The following FMOD variants were observed in gnomAD, a reference collection of about 807,000 sequenced individuals.
FMOD encodes KSPG fibromodulin.
Under a neutral mutation model 27.0 loss-of-function variants are expected in FMOD, and 15 were observed. The ratio of observed to expected loss-of-function variants is 0.55; its 90% CI spans 0.37 to 0.85. The LOEUF (loss-of-function observed/expected upper bound fraction) is 0.85, where lower values mean the gene tolerates loss of function less well. FMOD is among the 40% of genes least tolerant of loss of function. The probability of loss-of-function intolerance (pLI) is 0.00; values close to 1 mark genes in which losing one functional copy is unlikely to be tolerated. For synonymous variants in FMOD, 210 were observed against 214.0 expected (o/e 0.98, Z 0.16); for missense variants, 460 against 483.2 (o/e 0.95, Z 0.45).
Position 203,342,312 on chromosome 1 carries a change from C to T in FMOD, c.*31G>A, listed in dbSNP as rs757658881. 6.3e-7 allele frequency: 1 copy of T among 1,591,994 alleles called. No individual in the cohort carries two copies. Among genetic ancestry groups the T allele is most frequent in the Non-Finnish European group, 8.6e-7 (1 of 1,165,114 alleles). ...ACCATCAAGCCAAATGCCACGGGGG[C>T]TCTCCGCCCAGTACCCGGTGCCAGG... On this transcript the variant is annotated 3_prime_UTR_variant, in exon 3 of 3. Coordinates refer to ENST00000354955, the MANE Select transcript of FMOD (RefSeq NM_002023.5).
At chr1:203,350,960 C>A (rs950787936) in intron 1 of FMOD, 73 bp downstream of exon 1, 1 of 152,276 alleles carries the variant, frequency 6.6e-6, no homozygotes, top group Non-Finnish European at 1.5e-5. Context: ...TCTCCCCTAT[C>A]CCCTACCACT....
intron 2 of FMOD, 144 bp from the exon 3 acceptor site, chr1:203,342,638 C>CATACT: frequency 1.2e-6 from 1 of 813,398 alleles, no homozygotes; most frequent in Non-Finnish European, 1.9e-6. Flanking sequence ...GGATTGGAGT[C>CATACT]ATACTTACTG....
Position 203,347,978 on chromosome 1 carries a change from T to C in FMOD, c.293A>G (p.Lys98Arg). 6.2e-7 allele frequency: 1 copy of C among 1,604,698 alleles called. No homozygotes were observed. The highest frequency in any genetic ancestry group is 8.5e-7 in the Non-Finnish European group (1 of 1,173,676). ...TAMYCDNRNL[K>R]YLPFVPSRMK... ...GCGGGAGGGAACGAAGGGCAGGTAC[T>C]TGAGGTTGCGATTGTCACAGTACAT... The change falls in exon 2 of 3, where the codon AAG becomes AGG. Residue 98 changes from lysine (K) to arginine (R), a missense_variant. Lys to Arg is a conservative substitution (Grantham distance 26). Coordinates refer to ENST00000354955, the MANE Select transcript of FMOD (RefSeq NM_002023.5).
chr1:203,347,477 C>G lies in FMOD; in HGVS notation c.794G>C (p.Arg265Pro). The change falls in exon 2 of 3, where the codon CGG becomes CCG. Residue 265 changes from arginine to proline, a missense_variant. By Grantham distance (103) the Arg-to-Pro change is moderately radical (BLOSUM62 -2). Coordinates refer to ENST00000354955, the MANE Select transcript of FMOD (RefSeq NM_002023.5). The stretch of plus-strand genomic sequence containing the variant: ...CACATACAGCAGCTTGGGCGCCCCC[C>G]GGAAGTAGCTATCGGGGACGGTGTA... ...NVYTVPDSYF[R>P]GAPKLLYVRL... 6.2e-7 allele frequency: 1 copy of G among 1,614,154 alleles called. No individual in the cohort carries two copies. The highest frequency in any genetic ancestry group is 8.5e-7 in the Non-Finnish European group (1 of 1,180,026).
At chr1:203,346,649 A>G (rs1658894345) in intron 2 of FMOD, among the ~76,000 whole-genome samples, 1 of 152,144 alleles carries the variant, frequency 6.6e-6, no homozygotes, top group Non-Finnish European at 1.5e-5. Flanking sequence ...ACTGACCAGA[A>G]CAAGTGCCGC....
chr1:203,341,462 C>G lies in FMOD; in HGVS notation c.*881G>C, dbSNP rs887185723. 1 of 152,210 alleles carries G rather than the reference C, an allele frequency of 6.6e-6. No homozygotes were observed. The highest frequency in any genetic ancestry group is 1.5e-5 in the Non-Finnish European group (1 of 68,060). The allele number at this position is 152,210 out of a possible 1,614,324, so 9.4% of individuals were successfully genotyped here. A position where few individuals can be genotyped will look rare whatever the true frequency, so the allele number is the denominator to read the frequency against. On this transcript the variant is annotated 3_prime_UTR_variant, in exon 3 of 3. Transcript: ENST00000354955. ...GGCAAGAATGGAACTACTGGGGCTG[C>G]TTTCTCAACTCAGCCAATTTGAGGT...
intron 2 of FMOD, among the ~76,000 whole-genome samples, chr1:203,344,640 TC>T (rs1163563672): frequency 6.6e-6 from 1 of 152,064 alleles, no homozygotes; most frequent in Non-Finnish European, 1.5e-5. Flanking sequence ...CACATCTGAT[TC>T]CCCTGTGCGC....
intron 1 of FMOD, among the ~76,000 whole-genome samples, chr1:203,349,865 C>T (rs1033755783): frequency 1.3e-5 from 2 of 152,218 alleles, no homozygotes; most frequent in African/African-American, 2.4e-5. Flanking sequence ...GAGCAGGCAC[C>T]CTGGCTCATC....
intron 2 of FMOD, among the ~76,000 whole-genome samples, chr1:203,343,028 C>A (rs2102301205): frequency 6.6e-6 from 1 of 152,260 alleles, no homozygotes; most frequent in South Asian, 2.1e-4. Context: ...CTTTGTGTGC[C>A]AGGGCTTTGA....
At chr1:203,346,334 G>A (rs1437412683) in intron 2 of FMOD, among the ~76,000 whole-genome samples, 1 of 152,014 alleles carries the variant, frequency 6.6e-6, no homozygotes, top group Admixed American at 6.6e-5. Flanking sequence ...CAGGAAGGGA[G>A]GTCAAGTGCT....
chr1:203,343,079 G>A (rs561890589), intron 2 of FMOD, among the ~76,000 whole-genome samples: 5 of 152,320 alleles, frequency 3.3e-5, no homozygotes, highest in Admixed American at 2.6e-4. Flanking sequence ...CCAGAGCAGT[G>A]AGCAAGGCTC....
rs1337362952 is a variant in FMOD at position 203,341,163 on chromosome 1, C to T, written c.*1180G>A. ...GCCCAGCACAGGCAAGATTTGGCTG[C>T]CTGGCCTGGGCTTCACGGACCCCAG... On this transcript the variant is annotated 3_prime_UTR_variant, in exon 3 of 3. Transcript: ENST00000354955. 6.6e-6 allele frequency: 1 copy of T among 152,220 alleles called. No homozygotes were observed. Among genetic ancestry groups the T allele is most frequent in the Non-Finnish European group, 1.5e-5 (1 of 68,052 alleles). The allele number at this position is 152,220 out of a possible 1,614,324, so 9.4% of individuals were successfully genotyped here.
At chr1:203,348,513 A>G (rs566959536) in intron 1 of FMOD, among the ~76,000 whole-genome samples, 1 of 152,092 alleles carries the variant, frequency 6.6e-6, no homozygotes, top group South Asian at 2.1e-4. Flanking sequence ...TCCCCTGGTC[A>G]TAGAGTCACA....
At chr1:203,345,732 A>G (rs1333734289) in intron 2 of FMOD, among the ~76,000 whole-genome samples, 1 of 152,122 alleles carries the variant, frequency 6.6e-6, no homozygotes, top group Non-Finnish European at 1.5e-5. Context: ...CCCCGTCTCT[A>G]CTAAAAATAT....
Position 203,347,372 on chromosome 1 carries a change from A to G in FMOD, c.899T>C (p.Leu300Pro). 6 of 1,613,976 alleles carry G rather than the reference A, an allele frequency of 3.7e-6. No individual in the cohort carries two copies. The highest frequency in any genetic ancestry group is 5.1e-6 in the Non-Finnish European group (6 of 1,179,996). ...FNSSSLLELD[L>P]SYNQLQKIPP... ...GATCTTCTGCAGCTGGTTGTAGGAGAGGTCTAGCTCAAGGAGGCTGCTGGA... is the reference window on the plus strand; with the variant it reads ...GATCTTCTGCAGCTGGTTGTAGGAGGGGTCTAGCTCAAGGAGGCTGCTGGA... Residue 300 changes from leucine (L) to proline (P), a missense_variant, in exon 2 of 3, where the codon CTC becomes CCC. Physicochemically the swap from Leu to Pro is moderately conservative, Grantham distance 98. Transcript: ENST00000354955.
chr1:203,347,843 CT>C lies in FMOD; in HGVS notation c.427del (p.Ser143ValfsTer12). The part of the protein sequence containing the change: ...WIALHGNQIT[S>X]DKVGRKVFSK... ...GAAGACCTTCCTGCCCACCTTATCA[CT>C]GGTGATCTGGTTGCCGTGGAGAGCA... On this transcript the variant is annotated frameshift_variant, in exon 2 of 3. Transcript: ENST00000354955. LOFTEE classifies it high-confidence loss of function. The C allele has an allele frequency of 6.2e-7, 1 of 1,614,160 alleles. No homozygotes were observed. Among genetic ancestry groups the C allele is most frequent in the Non-Finnish European group, 8.5e-7 (1 of 1,180,040 alleles).
intron 2 of FMOD, among the ~76,000 whole-genome samples, chr1:203,345,152 C>T (rs567560312): frequency 3.3e-5 from 5 of 152,240 alleles, no homozygotes; most frequent in South Asian, 2.1e-4. Flanking sequence ...TACCTAGTCA[C>T]GGGGCTTGGA....
intron 2 of FMOD, among the ~76,000 whole-genome samples, chr1:203,346,820 C>T (rs1305322453): frequency 1.3e-5 from 2 of 152,184 alleles, no homozygotes; most frequent in African/African-American, 4.8e-5. Flanking sequence ...AAACTTAAAT[C>T]TCCCTCCCTT....
At chr1:203,343,746 G>A (rs1351475043) in intron 2 of FMOD, among the ~76,000 whole-genome samples, 2 of 152,212 alleles carry the variant, frequency 1.3e-5, no homozygotes, top group Non-Finnish European at 2.9e-5. Context: ...ATTCTTAGGT[G>A]TGACCATGAG....
Sources: gnomAD v4.1 joint callset for allele counts (sites outside exome capture counted in the v4.1 genomes callset) on GRCh38, gnomAD v4.1.1 for gene constraint, MANE v1.5 for transcripts, NCBI Gene and HGNC (gene_info 2026-07-23, HGNC 2026-07-21) for gene names.